Variants in MARK2 observed in about 807,000 individuals in gnomAD.
MARK2 encodes the protein serine/threonine-protein kinase MARK2.
Under a neutral mutation model 89.8 loss-of-function variants are expected in MARK2, and 16 were observed. The ratio of observed to expected loss-of-function variants is 0.18; its 90% confidence interval spans 0.12 to 0.27. The LOEUF (loss-of-function observed/expected upper bound fraction) is 0.27, where lower values mean the gene tolerates loss of function less well. Among genes scored for constraint, MARK2 ranks in the 10% least tolerant of loss-of-function variants. The pLI is 1.00. For missense variants in MARK2, 621 were observed against 1,049.9 expected (o/e 0.59, Z 5.65); for synonymous variants, 382 against 399.5 (o/e 0.96, Z 0.52).
chr11:63,850,566 G>C (rs2016525241), intron 1 of MARK2, among the ~76,000 whole-genome samples: 1 of 151,622 alleles, frequency 6.6e-6, no homozygotes, highest in Non-Finnish European at 1.5e-5. Context: ...TTTTTATAAG[G>C]CATCAATATT....
chr11:63,890,239 C>G (rs776431018), intron 1 of MARK2: 51 of 1,341,898 alleles, frequency 3.8e-5, no homozygotes, highest in Non-Finnish European at 4.8e-5. Flanking sequence ...CCTCCTTACC[C>G]TGGCTCACAT....
At chr11:63,859,139 G>A (rs551265978) in intron 1 of MARK2, among the ~76,000 whole-genome samples, 2 of 151,794 alleles carry the variant, frequency 1.3e-5, no homozygotes, top group South Asian at 2.1e-4. Context: ...AAACTGCAAC[G>A]CTTACACAGC....
At position 63,864,330 on chromosome 11, in the gene MARK2, G is replaced by T. The variant is rs566439814; in HGVS notation, c.54+24770G>T. Among the ~76,000 whole-genome samples the T allele has an allele frequency of 2.0e-5, 3 of 152,042 alleles. No homozygotes were observed. In the South Asian group the frequency reaches 6.2e-4, roughly 32 times the overall value. ...TGCAATGGCTTGATCTCGGCTCACC[G>T]CAACCTCCGCCTCCCAGGTTCAAGC... is the stretch of plus-strand genomic sequence containing the variant. On this transcript the variant is annotated intron_variant, in intron 1 of 18. Transcript: ENST00000402010.
Position 63,904,645 on chromosome 11 carries a change from A to G in MARK2, c.1677-141A>G, listed in dbSNP as rs889482397. The G allele has an allele frequency of 1.7e-5, 12 of 716,392 alleles. No homozygotes were observed. The highest frequency in any genetic ancestry group is 4.0e-4 in the Middle Eastern group (1 of 2,482). The allele number at this position is 716,392 out of a possible 1,614,324, so 44.4% of individuals were successfully genotyped here. A position where few individuals can be genotyped will look rare whatever the true frequency, so the allele number is the denominator to read the frequency against. ...TCTCACCACTGTCCTCAGTAGTCAC[A>G]CCCTTCCTTCTGTGTCCTCGTGATG... On this transcript the variant is annotated intron_variant, in intron 15 of 18. Transcript: ENST00000402010. The surrounding 1 kb of genome is among the most constrained non-coding windows in gnomAD (Gnocchi z 6.3).
chr11:63,844,816 G>T (rs979773534), intron 1 of MARK2, among the ~76,000 whole-genome samples: 1 of 152,200 alleles, frequency 6.6e-6, no homozygotes. Flanking sequence ...CATTTGATCA[G>T]GACTAACCCA....
chr11:63,842,572 A>G (rs1036721878), intron 1 of MARK2, among the ~76,000 whole-genome samples: 1 of 152,190 alleles, frequency 6.6e-6, no homozygotes, highest in African/African-American at 2.4e-5. Context: ...AAGGCCAGGT[A>G]TATCAAACAC....
intron 1 of MARK2, among the ~76,000 whole-genome samples, chr11:63,884,240 T>C (rs967536797): frequency 6.6e-6 from 1 of 152,238 alleles, no homozygotes; most frequent in Non-Finnish European, 1.5e-5. Flanking sequence ...TCTAAAGCCC[T>C]GGTTGCTCAG....
At chr11:63,875,318 A>G (rs1460780178) in intron 1 of MARK2, among the ~76,000 whole-genome samples, 1 of 151,896 alleles carries the variant, frequency 6.6e-6, no homozygotes, top group African/African-American at 2.4e-5. Flanking sequence ...ATGGGGTTAC[A>G]CCATGTTGTT....
rs750155967 is a variant in MARK2, at chr11:63,910,652, A to ATTTTTTTTTTTTTTTTTTTTTTTTGTTTT, written c.*1429_*1430insTTTTTTTTTTGTTTTTTTTTTTTTTTTTT. Reference sequence around the variant, plus strand: ...GTTTTATTTTTTATTATTTTATTTTATTTTTTTTTTTTTTGATTTATGATG... The same window carrying ATTTTTTTTTTTTTTTTTTTTTTTTGTTTT: ...GTTTTATTTTTTATTATTTTATTTTATTTTTTTTTTTTTTTTTTTTTTTTGTTTTTTTTTTTTTTTTTTGATTTATGATG... On this transcript the variant is annotated 3_prime_UTR_variant, in exon 19 of 19. Coordinates refer to ENST00000402010, the MANE Select transcript of MARK2 (RefSeq NM_001039469.3). 1 of 137,436 alleles carries ATTTTTTTTTTTTTTTTTTTTTTTTGTTTT rather than the reference A, an allele frequency of 7.3e-6. No individual in the cohort carries two copies. Among genetic ancestry groups the ATTTTTTTTTTTTTTTTTTTTTTTTGTTTT allele is most frequent in the Non-Finnish European group, 1.6e-5 (1 of 64,268 alleles). The allele number at this position is 137,436 out of a possible 1,614,324, so 8.5% of individuals were successfully genotyped here. A position where few individuals can be genotyped will look rare whatever the true frequency, so the allele number is the denominator to read the frequency against.
chr11:63,856,448 A>G (rs960383155), intron 1 of MARK2, among the ~76,000 whole-genome samples: 2 of 150,072 alleles, frequency 1.3e-5, no homozygotes, highest in African/African-American at 4.9e-5. Flanking sequence ...TTTGAAACAG[A>G]GTCTTACTCT....
chr11:63,899,746 A>G, intron 7 of MARK2, 128 bp from the exon 8 acceptor site: 1 of 716,314 alleles, frequency 1.4e-6, no homozygotes, highest in Non-Finnish European at 2.5e-6. Flanking sequence ...CTGCCCTGAA[A>G]TTGGTGGAGA....
intron 1 of MARK2, among the ~76,000 whole-genome samples, chr11:63,891,808 G>A (rs1939878973): frequency 6.6e-6 from 1 of 152,212 alleles, no homozygotes; most frequent in African/African-American, 2.4e-5. Flanking sequence ...TAGCAGCACT[G>A]AAAGGGAGGA....
chr11:63,893,259 T>TC (rs1215115692), intron 1 of MARK2, among the ~76,000 whole-genome samples: 1 of 151,098 alleles, frequency 6.6e-6, no homozygotes, highest in African/African-American at 2.4e-5. Context: ...CCTCAAGTGA[T>TC]CCTCCTGCCT....
At chr11:63,856,768 G>GGTTTTTTTTT (rs1565100741) in intron 1 of MARK2, among the ~76,000 whole-genome samples, 9 of 53,810 alleles carry the variant, frequency 1.7e-4, no homozygotes, top group African/African-American at 5.1e-4. Flanking sequence ...AATTTTTCAT[G>GGTTTTTTTTT]TTTTTTTTTT....
At chr11:63,875,540 CTG>C (rs1938698489) in intron 1 of MARK2, among the ~76,000 whole-genome samples, 1 of 152,190 alleles carries the variant, frequency 6.6e-6, no homozygotes. Flanking sequence ...GTGTGAGACA[CTG>C]TGGCCAACTT....
chr11:63,856,427 G>T (rs2016854277), intron 1 of MARK2, among the ~76,000 whole-genome samples: 2 of 133,192 alleles, frequency 1.5e-5, no homozygotes, highest in South Asian at 2.5e-4. Flanking sequence ...CTTTATTGTT[G>T]GTTTATTTAT....
intron 4 of MARK2, 119 bp from the exon 5 acceptor site, chr11:63,898,489 G>A (rs1438370081): frequency 2.2e-6 from 2 of 919,632 alleles, no homozygotes; most frequent in South Asian, 1.4e-5. Flanking sequence ...TTGTTCTTGG[G>A]AGTGGGGGAT....
Position 63,902,187 on chromosome 11 carries a change from G to A in MARK2, c.1102-11G>A. ...CTGCCCTCCCTTGAAGCTGTTTTCT[G>A]TTTCTTTCAGCTGGAAGGCGACACC... On this transcript the variant is annotated splice_polypyrimidine_tract_variant and intron_variant, in intron 11 of 18. Transcript: ENST00000402010. This position sits in a 1 kb window ranked among gnomAD's most constrained non-coding sequence, Gnocchi z 4.2. 1 of 1,613,812 alleles carries A rather than the reference G, an allele frequency of 6.2e-7. No homozygotes were observed. Among genetic ancestry groups the A allele is most frequent in the South Asian group, 1.1e-5 (1 of 91,086 alleles).
At chr11:63,859,705 C>G (rs1438106207) in intron 1 of MARK2, among the ~76,000 whole-genome samples, 1 of 151,870 alleles carries the variant, frequency 6.6e-6, no homozygotes, top group African/African-American at 2.4e-5. Flanking sequence ...GATCTCAGCT[C>G]ACTGCAGCCT....
Sources: gnomAD v4.1 joint callset for allele counts (sites outside exome capture counted in the v4.1 genomes callset) on GRCh38, gnomAD v4.1.1 for gene constraint, Gnocchi (gnomAD v3.1) non-coding constraint, MANE v1.5 for transcripts, NCBI Gene and HGNC (gene_info 2026-07-23, HGNC 2026-07-21) for gene names.